UGGT1: variants seen among roughly 807,000 people sequenced by gnomAD.
UGGT1 encodes the protein UDP-glucose glycoprotein glucosyltransferase 1.
In UGGT1, 107 loss-of-function variants were observed where a neutral mutation model predicts 203.9. The observed-to-expected ratio is 0.52, with a 90% CI of 0.45 to 0.62. UGGT1 has a LOEUF of 0.62. Among genes scored for constraint, UGGT1 ranks in the 20% least tolerant of loss-of-function variants. UGGT1 has a pLI of 0.00. For synonymous variants in UGGT1, 628 were observed against 653.5 expected (o/e 0.96, Z 0.59); for missense variants, 1,673 against 1,867.2 (o/e 0.90, Z 1.92).
chr2:128,117,056 C>T (rs1369737135), intron 8 of UGGT1, among the ~76,000 whole-genome samples: 2 of 152,014 alleles, frequency 1.3e-5, no homozygotes, highest in Non-Finnish European at 2.9e-5. Context: ...TATACATGCT[C>T]AATGGGAAAA....
intron 25 of UGGT1, among the ~76,000 whole-genome samples, 178 bp from the exon 26 acceptor site, chr2:128,164,552 A>G (rs1341291629): frequency 6.6e-6 from 1 of 152,220 alleles, no homozygotes. Flanking sequence ...TGGGAAAGTG[A>G]GTAACTTCTC....
intron 29 of UGGT1, among the ~76,000 whole-genome samples, chr2:128,173,365 G>C (rs1691212961): frequency 6.6e-6 from 1 of 152,184 alleles, no homozygotes; most frequent in South Asian, 2.1e-4. Flanking sequence ...ACTGATACGT[G>C]AGTACAGGAT....
In UGGT1 at chr2:128,186,663, A is replaced by AT. The variant is rs199986756; in HGVS notation, c.4360-11dup. 876 of 1,523,096 alleles carry AT rather than the reference A, an allele frequency of 5.8e-4. No homozygotes were observed. Among genetic ancestry groups the AT allele is most frequent in the African/African-American group, 5.6e-3 (405 of 71,804 alleles). 94.3% of individuals were successfully genotyped at this position (1,523,096 alleles called of 1,614,324 possible). A position where few individuals can be genotyped will look rare whatever the true frequency, so the allele number is the denominator to read the frequency against. ...CTTTAGATACATGTATTTTATTTTT[A>AT]TTTTTTTTTAACCAAACAGGATCTG... On this transcript the variant is annotated intron_variant, in intron 38 of 40. Coordinates refer to ENST00000259253, the MANE Select transcript of UGGT1 (RefSeq NM_020120.4).
At chr2:128,137,748 G>T (rs1182711868) in intron 15 of UGGT1, among the ~76,000 whole-genome samples, 1 of 152,336 alleles carries the variant, frequency 6.6e-6, no homozygotes, top group Admixed American at 6.5e-5. Flanking sequence ...GGTCTAGACT[G>T]ATTAATATGC....
intron 21 of UGGT1, among the ~76,000 whole-genome samples, 166 bp downstream of exon 21, chr2:128,156,581 A>T (rs1220344762): frequency 7.0e-6 from 1 of 142,942 alleles, no homozygotes; most frequent in African/African-American, 2.6e-5. Flanking sequence ...TTTTTGAGAC[A>T]GAGTCTCATT....
At chr2:128,185,704 G>A (rs1390890380) in intron 38 of UGGT1, among the ~76,000 whole-genome samples, 2 of 151,736 alleles carry the variant, frequency 1.3e-5, no homozygotes, top group East Asian at 1.9e-4. Context: ...TGGAACTCCC[G>A]GGCTCAAGCG....
In UGGT1 at chr2:128,180,773, C is replaced by G. The variant is rs552211821; in HGVS notation, c.3901-117C>G. ...GGGTCACGGCCGGTCTTTGTAAGAC[C>G]ACTGTTTTGGTAAATGTGTTTTATT... is the stretch of plus-strand genomic sequence containing the variant. On this transcript the variant is annotated intron_variant, in intron 35 of 40. Transcript: ENST00000259253. 1,388 of 1,075,798 alleles carry G rather than the reference C, an allele frequency of 1.3e-3. 3 individuals carry two copies. The highest frequency in any genetic ancestry group is 1.7e-3 in the Non-Finnish European group (1,257 of 759,424). The allele number at this position is 1,075,798 out of a possible 1,614,324, so 66.6% of individuals were successfully genotyped here.
At chr2:128,103,854 T>G in intron 2 of UGGT1, 78 bp from the exon 3 acceptor site, 1 of 1,063,066 alleles carries the variant, frequency 9.4e-7, no homozygotes, top group Non-Finnish European at 1.3e-6. Flanking sequence ...CTTCAAAACT[T>G]ATTTTTACTC....
intron 19 of UGGT1, among the ~76,000 whole-genome samples, chr2:128,153,911 T>G (rs770981488): frequency 7.2e-5 from 11 of 152,186 alleles, no homozygotes; most frequent in Non-Finnish European, 1.5e-4. Flanking sequence ...AGGAAAGATG[T>G]GTGTAATGAA....
chr2:128,116,172 A>C (rs1447249930), intron 7 of UGGT1, 93 bp from the exon 8 acceptor site: 8 of 767,186 alleles, frequency 1.0e-5, no homozygotes, highest in Non-Finnish European at 1.5e-5. Context: ...TTTTTTTCAC[A>C]TTATTCAATT....
chr2:128,182,208 A>C lies in UGGT1; in HGVS notation c.4162A>C (p.Ser1388Arg). ...APYGYTPFCD[S>R]RREMDGYRFW... Reference sequence around the variant, plus strand: ...TTATGGTTACACTCCTTTCTGTGACAGCCGAAGAGAAATGGACGGCTACAG... The same window carrying C: ...TTATGGTTACACTCCTTTCTGTGACCGCCGAAGAGAAATGGACGGCTACAG... The change falls in exon 37 of 41, where the codon AGC (serine) becomes CGC (arginine). Residue 1388 changes from serine to arginine, a missense_variant. Ser to Arg is a moderately radical substitution (Grantham distance 110, BLOSUM62 -1). Transcript: ENST00000259253. The C allele has an allele frequency of 6.2e-7, 1 of 1,614,208 alleles. No individual in the cohort carries two copies. The highest frequency in any genetic ancestry group is 1.1e-5 in the South Asian group (1 of 91,068).
chr2:128,157,138 T>C, intron 21 of UGGT1, 114 bp from the exon 22 acceptor site: 1 of 753,150 alleles, frequency 1.3e-6, no homozygotes, highest in Admixed American at 2.5e-5. Context: ...CTTGTCATTT[T>C]CTTCTTTTTG....
chr2:128,109,535 T>C (rs1236824075), intron 4 of UGGT1, 99 bp from the exon 5 acceptor site: 5 of 993,522 alleles, frequency 5.0e-6, no homozygotes, highest in African/African-American at 4.8e-5. Flanking sequence ...TTCAACAATG[T>C]TGTTTTGTCA....
intron 9 of UGGT1, 100 bp downstream of exon 9, chr2:128,120,556 C>A: frequency 1.2e-6 from 1 of 840,488 alleles, no homozygotes; most frequent in Non-Finnish European, 1.9e-6. Context: ...GTACGTGATT[C>A]TGAAGGTGCC....
chr2:128,098,162 C>T (rs1687200787), intron 2 of UGGT1, among the ~76,000 whole-genome samples: 1 of 152,122 alleles, frequency 6.6e-6, no homozygotes, highest in Non-Finnish European at 1.5e-5. Flanking sequence ...TGTGCCTGGC[C>T]AGTTGTATTC....
intron 18 of UGGT1, among the ~76,000 whole-genome samples, chr2:128,149,781 G>A (rs144773899): frequency 2.7e-5 from 4 of 147,104 alleles, no homozygotes; most frequent in Non-Finnish European, 6.0e-5. Flanking sequence ...GCAAGACTCC[G>A]TCTCAAGAAA....
chr2:128,159,244 C>T (rs1203568987), intron 22 of UGGT1, among the ~76,000 whole-genome samples: 3 of 151,692 alleles, frequency 2.0e-5, no homozygotes, highest in Non-Finnish European at 4.4e-5. Flanking sequence ...GAATTACAGG[C>T]GCCCACCACC....
At chr2:128,096,636 T>A (rs1288403097) in intron 1 of UGGT1, among the ~76,000 whole-genome samples, 2 of 152,222 alleles carry the variant, frequency 1.3e-5, no homozygotes, top group African/African-American at 4.8e-5. Context: ...CTAATAACCT[T>A]GTTTTAACTG....
At position 128,109,717 on chromosome 2, in the gene UGGT1, T is replaced by C; in HGVS notation, c.492T>C (p.Leu164=). Residue 164 remains leucine, a synonymous_variant, in exon 5 of 41, where the codon CTT becomes CTC. Transcript: ENST00000259253. ...AGAAGACTTGTGAATCTGATACCCT[T>C]GAGGCTCTTCTACTGACAGCCTCTG... The part of the protein sequence containing the change: ...HGKKTCESDT[L]EALLLTASER... 1 of 1,614,150 alleles carries C rather than the reference T, an allele frequency of 6.2e-7. No individual in the cohort carries two copies. The highest frequency in any genetic ancestry group is 8.5e-7 in the Non-Finnish European group (1 of 1,179,972).
Sources: allele counts gnomAD v4.1 joint callset (sites outside exome capture counted in the v4.1 genomes callset), GRCh38; gene constraint gnomAD v4.1.1; transcripts MANE v1.5; gene names NCBI Gene and HGNC (gene_info 2026-07-23, HGNC 2026-07-21).